The following KLHL1 variants were observed in gnomAD, a reference collection of about 807,000 sequenced individuals.
KLHL1 encodes the protein kelch-like protein 1.
KLHL1 carries 47 observed loss-of-function variants against 77.7 expected under a neutral mutation model. The ratio of observed to expected loss-of-function variants is 0.60; its 90% CI spans 0.48 to 0.77. The LOEUF is 0.77. Among genes scored for constraint, KLHL1 ranks in the 30% least tolerant of loss-of-function variants. The probability of loss-of-function intolerance (pLI) is 0.00; values close to 1 mark genes in which losing one functional copy is unlikely to be tolerated. For synonymous variants in KLHL1, 360 were observed against 325.2 expected (o/e 1.11, Z -1.15); for missense variants, 925 against 910.8 (o/e 1.02, Z -0.20).
At chr13:69,773,046 A>AAAAC (rs56176574) in intron 7 of KLHL1, among the ~76,000 whole-genome samples, 5,526 of 152,188 alleles carry the variant, frequency 0.036, 128 homozygotes, top group Middle Eastern at 0.068. Context: ...ACACAGGCAG[A>AAAAC]AAACAGAACA....
intron 2 of KLHL1, among the ~76,000 whole-genome samples, chr13:69,966,491 A>G (rs1007850226): frequency 3.3e-5 from 5 of 152,202 alleles, no homozygotes; most frequent in East Asian, 3.8e-4. Flanking sequence ...ACAGAGATGT[A>G]CAAGGAGATT....
chr13:69,794,628 G>T (rs1293990947), intron 7 of KLHL1, among the ~76,000 whole-genome samples: 2 of 151,966 alleles, frequency 1.3e-5, no homozygotes, highest in African/African-American at 4.8e-5. Context: ...AAGAGTTAAA[G>T]AAGCAGATAG....
chr13:69,852,669 C>T (rs1457342085), intron 5 of KLHL1, among the ~76,000 whole-genome samples: 2 of 151,946 alleles, frequency 1.3e-5, no homozygotes, highest in Admixed American at 6.6e-5. Context: ...CAAAGCCCAA[C>T]ATACCTCTTT....
At chr13:69,710,476 C>A (rs1212308111) in intron 9 of KLHL1, among the ~76,000 whole-genome samples, 2 of 151,742 alleles carry the variant, frequency 1.3e-5, no homozygotes, top group Non-Finnish European at 2.9e-5. Context: ...TAAAACCAAA[C>A]CAAAACAAAA....
chr13:69,896,308 C>A (rs554770542), intron 4 of KLHL1, among the ~76,000 whole-genome samples: 12 of 152,136 alleles, frequency 7.9e-5, no homozygotes, highest in Non-Finnish European at 1.6e-4. Flanking sequence ...CAGACTCATG[C>A]CGCTACACTT....
chr13:69,950,031 A>G (rs887152532), intron 3 of KLHL1, among the ~76,000 whole-genome samples: 2 of 151,798 alleles, frequency 1.3e-5, no homozygotes, highest in East Asian at 1.9e-4. Flanking sequence ...ATAATCCTAG[A>G]GCTAATTAAT....
chr13:70,103,846 C>T (rs1472789832), intron 1 of KLHL1, among the ~76,000 whole-genome samples: 1 of 152,010 alleles, frequency 6.6e-6, no homozygotes, highest in Non-Finnish European at 1.5e-5. Context: ...GACTCTATGA[C>T]ATCTATCAAA....
intron 7 of KLHL1, among the ~76,000 whole-genome samples, chr13:69,756,498 T>C (rs1338957246): frequency 6.6e-6 from 1 of 152,152 alleles, no homozygotes; most frequent in East Asian, 1.9e-4. Context: ...TGACAATTAA[T>C]TTGTTTAAAT....
At chr13:69,932,159 T>A (rs918879747) in intron 4 of KLHL1, among the ~76,000 whole-genome samples, 3 of 151,836 alleles carry the variant, frequency 2.0e-5, no homozygotes, top group African/African-American at 7.2e-5. Context: ...AATATGGCTG[T>A]GAACTGGACA....
At chr13:69,716,775 A>T (rs1872774293) in intron 9 of KLHL1, among the ~76,000 whole-genome samples, 1 of 152,126 alleles carries the variant, frequency 6.6e-6, no homozygotes, top group South Asian at 2.1e-4. Flanking sequence ...TCTTTCTTCT[A>T]ATACTGTAAG....
intron 8 of KLHL1, among the ~76,000 whole-genome samples, chr13:69,726,557 G>T (rs1335955527): frequency 6.6e-6 from 1 of 152,098 alleles, no homozygotes; most frequent in Non-Finnish European, 1.5e-5. Context: ...CTTGTCACTT[G>T]CTACTATTAT....
chr13:69,800,501 T>C (rs903474676), intron 6 of KLHL1, among the ~76,000 whole-genome samples: 13 of 152,298 alleles, frequency 8.5e-5, no homozygotes, highest in Admixed American at 6.5e-4. Flanking sequence ...TAGAGCTTAC[T>C]CATACTAGCC....
intron 6 of KLHL1, among the ~76,000 whole-genome samples, chr13:69,833,456 A>T (rs1878846229): frequency 6.6e-6 from 1 of 151,928 alleles, no homozygotes; most frequent in Non-Finnish European, 1.5e-5. Context: ...AAAAAAAAAT[A>T]GATGTCGACA....
At position 69,895,947 on chromosome 13, in the gene KLHL1, A is replaced by T. The variant is rs138811199; in HGVS notation, c.1015-13452T>A. ...GCTCTTGAACTTGTGACCTCAGGTG[A>T]TCCACTCACCTCTGCCTCCCAAAGT... is the stretch of plus-strand genomic sequence containing the variant. On this transcript the variant is annotated intron_variant, in intron 4 of 10. Coordinates refer to ENST00000377844, the MANE Select transcript of KLHL1 (RefSeq NM_020866.3). Among the ~76,000 whole-genome samples, 8 of 152,154 alleles carry T rather than the reference A, an allele frequency of 5.3e-5. No homozygotes were observed. The East Asian group carries it at 1.6e-3, about 29-fold the overall frequency.
intron 1 of KLHL1, among the ~76,000 whole-genome samples, chr13:70,078,307 G>A (rs1887311532): frequency 6.6e-6 from 1 of 151,854 alleles, no homozygotes; most frequent in African/African-American, 2.4e-5. Flanking sequence ...TATTAAAAAG[G>A]TCATATTAAA....
intron 6 of KLHL1, among the ~76,000 whole-genome samples, chr13:69,834,967 A>T (rs1431323879): frequency 6.6e-6 from 1 of 152,114 alleles, no homozygotes; most frequent in Non-Finnish European, 1.5e-5. Flanking sequence ...TTTAAAATTT[A>T]AGGTGGGATT....
intron 1 of KLHL1, among the ~76,000 whole-genome samples, chr13:70,095,493 T>A (rs1042505955): frequency 1.3e-5 from 2 of 152,154 alleles, no homozygotes; most frequent in Non-Finnish European, 2.9e-5. Flanking sequence ...CTGGGCCAAT[T>A]GCTTGCCCAT....
chr13:70,016,958 A>G (rs1470399136), intron 1 of KLHL1, among the ~76,000 whole-genome samples: 1 of 152,152 alleles, frequency 6.6e-6, no homozygotes, highest in African/African-American at 2.4e-5. Flanking sequence ...CTGCCTGTGG[A>G]AAGAAGCTAC....
chr13:69,711,917 G>T (rs1403579841), intron 9 of KLHL1, among the ~76,000 whole-genome samples: 3 of 152,000 alleles, frequency 2.0e-5, no homozygotes, highest in African/African-American at 7.2e-5. Context: ...CTTTCTGGTG[G>T]GTAGGTGATG....
Sources: allele counts gnomAD v4.1 joint callset (sites outside exome capture counted in the v4.1 genomes callset), GRCh38; gene constraint gnomAD v4.1.1; transcripts MANE v1.5; gene names NCBI Gene and HGNC (gene_info 2026-07-23, HGNC 2026-07-21).